The following KLK8 variants were observed in gnomAD, a reference collection of about 807,000 sequenced individuals.
The protein encoded by KLK8 is kallikrein related peptidase 8, also known as kallikrein-8.
KLK8 carries 18 observed loss-of-function variants against 26.7 expected under a neutral mutation model. That is an observed-to-expected ratio of 0.67 (90% CI 0.47 to 1.00). KLK8 has a LOEUF of 1.00. KLK8 is among the 50% of genes least tolerant of loss of function. The pLI, the probability that KLK8 is intolerant of heterozygous loss-of-function variation, is 0.00. For missense variants in KLK8, 301 were observed against 331.7 expected (o/e 0.91, Z 0.72); for synonymous variants, 137 against 127.1 (o/e 1.08, Z -0.52).
chr19:50,996,284 C>T (rs780664550), intron 6 of KLK8, 70 bp from the exon 6 acceptor site: 22 of 1,544,136 alleles, frequency 1.4e-5, no homozygotes, highest in African/African-American at 5.5e-5. Flanking sequence ...GCTGTCCCAG[C>T]GTTTTACCAG....
intron 5 of KLK8, among the ~76,000 whole-genome samples, chr19:50,999,493 C>T (rs36168096): frequency 6.2e-5 from 9 of 144,684 alleles, no homozygotes; most frequent in African/African-American, 1.5e-4. Flanking sequence ...GTTCGAGAAT[C>T]GCTTAAACCC....
At chr19:50,996,520 G>T (rs2091168943) in intron 6 of KLK8, among the ~76,000 whole-genome samples, 1 of 152,072 alleles carries the variant, frequency 6.6e-6, no homozygotes, top group African/African-American at 2.4e-5. Context: ...ATCACTTGAA[G>T]TCAGGCGTTC....
At chr19:50,997,808 C>T in exon 6 of KLK8, 1 of 1,614,100 alleles carries the variant, frequency 6.2e-7, no homozygotes, top group Non-Finnish European at 8.5e-7. Flanking sequence ...CTGTGATCTG[C>T]CCCGGGTAAG....
exon 5 of KLK8, chr19:51,000,042 G>T (rs372470843): frequency 6.2e-7 from 1 of 1,612,744 alleles, no homozygotes; most frequent in African/African-American, 1.3e-5. Flanking sequence ...TGCACTTCTG[G>T]CCAGGCTGGG....
exon 7 of KLK8, chr19:50,996,063 C>T (rs573749397): frequency 1.2e-6 from 2 of 1,614,168 alleles, no homozygotes; most frequent in South Asian, 1.1e-5. Flanking sequence ...CTAGAATCAG[C>T]CCTTGCTGCC....
exon 4 of KLK8, chr19:51,000,495 G>A: frequency 6.2e-7 from 1 of 1,614,016 alleles, no homozygotes; most frequent in Admixed American, 1.7e-5. Flanking sequence ...GTAGTTGCTG[G>A]CCCTGGAACA....
intron 5 of KLK8, chr19:50,999,287 A>G (rs2091197420): frequency 6.6e-6 from 1 of 152,142 alleles, no homozygotes. Context: ...TGGGTTCAAG[A>G]AGGAGAAAAA....
At position 51,001,084 on chromosome 19, in the gene KLK8, G is replaced by A. The variant is rs758728576; in HGVS notation, c.70+14C>T. The A allele has an allele frequency of 3.9e-5, 62 of 1,607,838 alleles. No homozygotes were observed. Among genetic ancestry groups the A allele is most frequent in the Non-Finnish European group, 5.3e-5 (62 of 1,177,698 alleles). On this transcript the variant is annotated intron_variant, in intron 3 of 6. Coordinates refer to ENST00000600767, the Ensembl canonical transcript of KLK8. ...AGATCCCTCCCCTCCGGAGGCCTCC[G>A]CAACCCTCCTCACCTGCCCAGGCTC...
rs778429477 is a variant in KLK8, at chr19:51,000,367, C to T, written c.230+57G>A. The T allele has an allele frequency of 7.1e-6, 11 of 1,553,110 alleles. No individual in the cohort carries two copies. The Admixed American group carries it at 9.0e-5, about 13-fold the overall frequency. ...CAGCTCTCTCCTTCCTGAGTCGAAA[C>T]CCCAGCCCCCTCTTTCCTTAAGCCC... On this transcript the variant is annotated intron_variant, in intron 4 of 6. Coordinates refer to ENST00000600767, the Ensembl canonical transcript of KLK8.
chr19:50,997,809 C>T lies in KLK8; in HGVS notation c.569G>A (p.Gly190Glu), dbSNP rs755158647. ...ACAGACCATGCCATCTGTGATCTGC[C>T]CCGGGTAAGCATCCTCACACTTCTT... The change falls in exon 6 of 7, where the codon GGG (glycine) becomes GAG (glutamate). Residue 190 changes from glycine to glutamate, a missense_variant. Physicochemically the swap from Gly to Glu is moderately conservative, Grantham distance 98. Coordinates refer to ENST00000600767, the Ensembl canonical transcript of KLK8. 3.0e-5 allele frequency: 48 copies of T among 1,614,020 alleles called. No individual in the cohort carries two copies. The South Asian group carries it at 4.2e-4, about 14-fold the overall frequency.
intron 4 of KLK8, 77 bp from the exon 4 acceptor site, chr19:51,000,335 C>T (rs935569200): frequency 9.1e-6 from 14 of 1,542,024 alleles, no homozygotes; most frequent in African/African-American, 1.4e-5. Context: ...CCCAGGAGTC[C>T]AGTCCTCAGC....
intron 6 of KLK8, among the ~76,000 whole-genome samples, chr19:50,997,035 T>A (rs1030127145): frequency 6.6e-6 from 1 of 151,796 alleles, no homozygotes; most frequent in Admixed American, 6.6e-5. Flanking sequence ...GTATCGCTGA[T>A]GGAAACGACT....
exon 5 of KLK8, chr19:51,000,148 A>C: frequency 1.2e-6 from 2 of 1,613,910 alleles, no homozygotes; most frequent in Non-Finnish European, 1.7e-6. Flanking sequence ...GTGGTCCTCC[A>C]CATCGCTGCT....
chr19:51,000,805 G>C, intron 3 of KLK8: 1 of 1,351,546 alleles, frequency 7.4e-7, no homozygotes, highest in Non-Finnish European at 1.0e-6. Context: ...TTCCACATGA[G>C]TCTACAGGCC....
intron 3 of KLK8, chr19:51,000,839 T>C (rs1449728854): frequency 1.9e-6 from 2 of 1,054,744 alleles, no homozygotes; most frequent in Non-Finnish European, 2.7e-6. Flanking sequence ...GGTGAATCTA[T>C]GCCCCCAAGC....
intron 6 of KLK8, among the ~76,000 whole-genome samples, chr19:50,996,936 A>ACACACC (rs758809891): frequency 2.5e-4 from 15 of 59,310 alleles, no homozygotes; most frequent in Non-Finnish European, 2.9e-4. Context: ...ACACACACAC[A>ACACACC]CACCATATCC....
At chr19:50,999,576 C>G (rs1009413849) in intron 5 of KLK8, among the ~76,000 whole-genome samples, 1 of 69,754 alleles carries the variant, frequency 1.4e-5, no homozygotes, top group Non-Finnish European at 2.6e-5. Context: ...GAAACTGTGT[C>G]CCCCTGCAAA....
intron 5 of KLK8, 168 bp from the exon 5 acceptor site, chr19:50,998,052 C>A: frequency 1.4e-6 from 1 of 734,454 alleles, no homozygotes; most frequent in East Asian, 2.7e-5. Flanking sequence ...CCACATTAAA[C>A]GAAGCTGTAC....
intron 6 of KLK8, among the ~76,000 whole-genome samples, chr19:50,996,893 G>GACACAC (rs368604260): frequency 0.018 from 1,433 of 81,252 alleles, 23 homozygotes; most frequent in Non-Finnish European, 0.018. Context: ...GATTCTTATG[G>GACACAC]ACACACACAC....
Sources: gnomAD v4.1 joint callset for allele counts (sites outside exome capture counted in the v4.1 genomes callset) on GRCh38, gnomAD v4.1.1 for gene constraint, MANE v1.5 for transcripts, NCBI Gene and HGNC (gene_info 2026-07-23, HGNC 2026-07-21) for gene names.